Variants in CFTR observed in about 807,000 individuals in gnomAD.
The protein encoded by CFTR is CF transmembrane conductance regulator.
In CFTR, 181 loss-of-function variants were observed where a neutral mutation model predicts 171.6. That is an observed-to-expected ratio of 1.05 (90% CI 0.93 to 1.19). The LOEUF is 1.19. Ranked by LOEUF, CFTR falls within the 50% of genes most tolerant of loss-of-function variation. CFTR has a pLI of 0.00. For missense variants in CFTR, 1,968 were observed against 1,734.7 expected, an observed-to-expected ratio of 1.13 and a Z score of -2.39; for synonymous variants, 583 against 608.0, an observed-to-expected ratio of 0.96 and a Z score of 0.60.
chr7:117,587,726 T>G lies in CFTR; in HGVS notation c.1585-13T>G. 1 of 1,525,318 alleles carries G rather than the reference T, an allele frequency of 6.6e-7. No individual in the cohort carries two copies. Among genetic ancestry groups the G allele is most frequent in the Non-Finnish European group, 9.1e-7 (1 of 1,099,324 alleles). 94.5% of individuals were successfully genotyped at this position (1,525,318 alleles called of 1,614,324 possible). A position where few individuals can be genotyped will look rare whatever the true frequency, so the allele number is the denominator to read the frequency against. On this transcript the variant is annotated splice_polypyrimidine_tract_variant and intron_variant, in intron 11 of 26. Coordinates refer to ENST00000003084, the MANE Select transcript of CFTR (RefSeq NM_000492.4). ...CTAAAAGTGACTCTCTAATTTTCTA[T>G]TTTTGGTAATAGGACATCTCCAAGT...
chr7:117,596,972 G>A (rs1792139939), intron 15 of CFTR, among the ~76,000 whole-genome samples: 1 of 152,120 alleles, frequency 6.6e-6, no homozygotes, highest in Non-Finnish European at 1.5e-5. Context: ...CTGTCAAAAC[G>A]GACCAATCAG....
intron 17 of CFTR, chr7:117,604,855 C>T (rs887865511): frequency 1.3e-5 from 2 of 152,086 alleles, no homozygotes; most frequent in East Asian, 3.9e-4. Flanking sequence ...AGGGGATTTG[C>T]CCACATTTCT....
chr7:117,530,786 A>G, intron 3 of CFTR, 113 bp from the exon 4 acceptor site: 1 of 738,152 alleles, frequency 1.4e-6, no homozygotes, highest in Non-Finnish European at 2.4e-6. Flanking sequence ...ATGACCCTCT[A>G]TATAAACTCA....
In CFTR at chr7:117,627,556, A is replaced by C; in HGVS notation, c.3503A>C (p.Asp1168Ala). The C allele has an allele frequency of 6.2e-7, 1 of 1,613,304 alleles. No individual in the cohort carries two copies. The highest frequency in any genetic ancestry group is 1.1e-5 in the South Asian group (1 of 91,068). Residue 1168 changes from aspartate (D) to alanine (A), a missense_variant, in exon 22 of 27, where the codon GAC (aspartate) becomes GCC (alanine). Physicochemically the swap from Asp to Ala is moderately radical, Grantham distance 126 (BLOSUM62 -2). Coordinates refer to ENST00000003084, the MANE Select transcript of CFTR (RefSeq NM_000492.4). ...RSVSRVFKFI[D>A]MPTEGKPTKS... Reference sequence around the variant, plus strand: ...GTGAGCCGAGTCTTTAAGTTCATTGACATGCCAACAGAAGGTAAACCTACC... The same window carrying C: ...GTGAGCCGAGTCTTTAAGTTCATTGCCATGCCAACAGAAGGTAAACCTACC...
intron 22 of CFTR, among the ~76,000 whole-genome samples, chr7:117,630,839 G>C (rs1247870946): frequency 6.6e-6 from 1 of 152,112 alleles, no homozygotes; most frequent in Non-Finnish European, 1.5e-5. Flanking sequence ...GCATTTGGCT[G>C]TCTCAGTGGG....
In CFTR at chr7:117,513,987, G is replaced by T. The variant is rs368961521; in HGVS notation, c.273+4845G>T. Among the ~76,000 whole-genome samples, 14 of 152,150 alleles carry T rather than the reference G, an allele frequency of 9.2e-5. No individual in the cohort carries two copies. The East Asian group carries it at 2.3e-3, about 25-fold the overall frequency. ...TACCCCAGAAAATGTAATTTAATTG[G>T]TCTGGGATAAAACCTGGGACACTAT... On this transcript the variant is annotated intron_variant, in intron 3 of 26. Transcript: ENST00000003084.
chr7:117,642,660 G>C (rs557037274), intron 23 of CFTR, 67 bp downstream of exon 23: 9 of 1,509,564 alleles, frequency 6.0e-6, no homozygotes, highest in Non-Finnish European at 8.2e-6. Flanking sequence ...TTTGATACTT[G>C]TACTCAAGAA....
chr7:117,535,219 C>A (rs377009413), intron 5 of CFTR, 29 bp from the exon 6 acceptor site: 75 of 1,613,004 alleles, frequency 4.6e-5, no homozygotes, highest in Non-Finnish European at 5.9e-5. Context: ...TACAATGACA[C>A]CTGTTTTTGC....
chr7:117,664,628 A>T lies in CFTR; in HGVS notation c.3964-60A>T, dbSNP rs183737381. 8.1e-5 allele frequency: 119 copies of T among 1,477,332 alleles called. No individual in the cohort carries two copies. The East Asian group carries it at 2.6e-3, about 33-fold the overall frequency. 91.5% of individuals were successfully genotyped at this position (1,477,332 alleles called of 1,614,324 possible). On this transcript the variant is annotated intron_variant, in intron 24 of 26. Transcript: ENST00000003084. ...CAGAACTCCTGTGTTTATTTTTAGA[A>T]TGTCAACTGCTTGAGTGTTTTTAAC...
intron 11 of CFTR, among the ~76,000 whole-genome samples, chr7:117,570,428 T>G (rs1791671805): frequency 1.3e-5 from 2 of 152,174 alleles, no homozygotes; most frequent in African/African-American, 4.8e-5. Flanking sequence ...TGCTTTTCTT[T>G]ATGGGGAAGT....
intron 18 of CFTR, among the ~76,000 whole-genome samples, chr7:117,607,229 G>C (rs1050821344): frequency 6.6e-6 from 1 of 152,114 alleles, no homozygotes; most frequent in Non-Finnish European, 1.5e-5. Flanking sequence ...CCATAAGGAA[G>C]GGACAGAAGC....
chr7:117,653,763 T>C (rs1036832970), intron 24 of CFTR, among the ~76,000 whole-genome samples: 4 of 152,202 alleles, frequency 2.6e-5, no homozygotes, highest in Admixed American at 2.6e-4. Flanking sequence ...CTTACAAGGC[T>C]AAAGTCCAAG....
At chr7:117,533,813 C>T (rs1276857186) in intron 4 of CFTR, among the ~76,000 whole-genome samples, 2 of 151,958 alleles carry the variant, frequency 1.3e-5, no homozygotes, top group African/African-American at 4.8e-5. Flanking sequence ...AACTTTTTTA[C>T]AAAAGTATTA....
intron 11 of CFTR, chr7:117,586,224 A>T (rs1791932208): frequency 6.6e-6 from 1 of 152,180 alleles, no homozygotes; most frequent in African/African-American, 2.4e-5. Context: ...AAGCATGCTC[A>T]TTTAGGCCAG....
intron 11 of CFTR, among the ~76,000 whole-genome samples, chr7:117,560,510 A>T (rs2115941837): frequency 1.3e-5 from 2 of 152,238 alleles, no homozygotes; most frequent in East Asian, 3.9e-4. Context: ...AGAGAAAGTA[A>T]AATGTAGCTT....
chr7:117,559,917 T>C (rs1799432595), intron 11 of CFTR, among the ~76,000 whole-genome samples: 1 of 152,146 alleles, frequency 6.6e-6, no homozygotes, highest in African/African-American at 2.4e-5. Flanking sequence ...ATGGTGAGAA[T>C]TTTGTTCACT....
intron 5 of CFTR, 57 bp from the exon 6 acceptor site, chr7:117,535,191 G>A: frequency 6.4e-7 from 1 of 1,571,634 alleles, no homozygotes; most frequent in Non-Finnish European, 8.8e-7. Context: ...ATGATTGTTA[G>A]TTTCTAGGGG....
At chr7:117,650,978 T>G (rs2116191149) in intron 23 of CFTR, among the ~76,000 whole-genome samples, 1 of 152,306 alleles carries the variant, frequency 6.6e-6, no homozygotes, top group East Asian at 1.9e-4. Flanking sequence ...CAGCTCCTAC[T>G]ATCTCCTAGC....
At position 117,530,923 on chromosome 7, in the gene CFTR, C is replaced by G. The variant is rs375543675; in HGVS notation, c.298C>G (p.Leu100Val). Residue 100 changes from leucine (L) to valine (V), a missense_variant, in exon 4 of 27, where the codon CTC becomes GTC. Physicochemically the swap from Leu to Val is conservative, Grantham distance 32 (BLOSUM62 1). Transcript: ENST00000003084. ...LGEVTKAVQP[L>V]LLGRIIASYD... ...GGAAGTCACCAAAGCAGTACAGCCT[C>G]TCTTACTGGGAAGAATCATAGCTTC... The G allele has an allele frequency of 1.9e-6, 3 of 1,613,358 alleles. No individual in the cohort carries two copies. The highest frequency in any genetic ancestry group is 2.5e-6 in the Non-Finnish European group (3 of 1,179,578).
Sources: allele counts gnomAD v4.1 joint callset (sites outside exome capture counted in the v4.1 genomes callset), GRCh38; gene constraint gnomAD v4.1.1; transcripts MANE v1.5; gene names NCBI Gene and HGNC (gene_info 2026-07-23, HGNC 2026-07-21).